Variants in ITPR2 observed in about 807,000 individuals in gnomAD.
ITPR2 encodes inositol 1,4,5-trisphosphate-gated calcium channel ITPR2.
ITPR2 carries 207 observed loss-of-function variants against 317.1 expected under a neutral mutation model. The observed-to-expected ratio is 0.65, with a 90% CI of 0.58 to 0.73. The LOEUF (loss-of-function observed/expected upper bound fraction) is 0.73, where lower values mean the gene tolerates loss of function less well. ITPR2 is among the 30% of genes least tolerant of loss of function. The probability of loss-of-function intolerance (pLI) is 0.00; values close to 1 mark genes in which losing one functional copy is unlikely to be tolerated. For synonymous variants in ITPR2, 1,156 were observed against 1,149.1 expected, an observed-to-expected ratio of 1.01 and a Z score of -0.12; for missense variants, 2,613 against 3,284.0, an observed-to-expected ratio of 0.80 and a Z score of 4.99.
chr12:26,532,613 G>A (rs781156174), intron 37 of ITPR2, among the ~76,000 whole-genome samples: 11 of 151,678 alleles, frequency 7.3e-5, no homozygotes, highest in East Asian at 3.9e-4. Context: ...CCCAGCCCCC[G>A]GTAAAAGACT....
chr12:26,736,500 T>C (rs1358097333), intron 2 of ITPR2, among the ~76,000 whole-genome samples: 1 of 152,186 alleles, frequency 6.6e-6, no homozygotes, highest in Non-Finnish European at 1.5e-5. Context: ...ACCAAGGCTA[T>C]TAGCAATTAG....
intron 13 of ITPR2, among the ~76,000 whole-genome samples, chr12:26,675,311 TG>T (rs1947882425): frequency 6.6e-6 from 1 of 152,188 alleles, no homozygotes; most frequent in South Asian, 2.1e-4. Flanking sequence ...TGTCCAACAA[TG>T]ATAGACTGGA....
chr12:26,659,081 T>C (rs1265166750), intron 16 of ITPR2, 32 bp downstream of exon 16: 1 of 1,559,612 alleles, frequency 6.4e-7, no homozygotes, highest in South Asian at 1.2e-5. Context: ...CAATCTCCAC[T>C]AGAAAAGAAT....
intron 45 of ITPR2, among the ~76,000 whole-genome samples, chr12:26,463,693 A>T (rs1392172628): frequency 1.1e-5 from 1 of 91,554 alleles, no homozygotes; most frequent in East Asian, 2.9e-4. Context: ...AAACAAACAA[A>T]CAAACAAAAA....
intron 30 of ITPR2, among the ~76,000 whole-genome samples, 161 bp from the exon 31 acceptor site, chr12:26,597,295 TG>T (rs1945871298): frequency 6.6e-6 from 1 of 152,182 alleles, no homozygotes; most frequent in African/African-American, 2.4e-5. Flanking sequence ...GACAAGATTA[TG>T]GTCCCATGCC....
chr12:26,777,958 G>A (rs560418140), intron 2 of ITPR2, among the ~76,000 whole-genome samples: 28 of 152,288 alleles, frequency 1.8e-4, no homozygotes, highest in African/African-American at 5.5e-4. Flanking sequence ...ATTGATTCCA[G>A]GGGACCCAAA....
chr12:26,439,346 T>C (rs1941433333), intron 46 of ITPR2, 27 bp from the exon 47 acceptor site: 3 of 1,551,816 alleles, frequency 1.9e-6, no homozygotes, highest in African/African-American at 2.7e-5. Flanking sequence ...GCATTGTTTT[T>C]AGCCTTTCGG....
At chr12:26,475,486 A>C in intron 44 of ITPR2, 68 bp from the exon 45 acceptor site, 1 of 1,542,812 alleles carries the variant, frequency 6.5e-7, no homozygotes, top group Non-Finnish European at 8.7e-7. Context: ...TATGAGATTT[A>C]ATTAAAAATT....
chr12:26,403,849 C>T (rs910623919), intron 52 of ITPR2, among the ~76,000 whole-genome samples: 3 of 152,034 alleles, frequency 2.0e-5, no homozygotes, highest in Non-Finnish European at 2.9e-5. Context: ...TATGCTTGTA[C>T]GATGAACAGC....
rs1194006539 is a variant in ITPR2 at position 26,335,369 on chromosome 12, T to C, written c.*4028A>G. Among the ~76,000 whole-genome samples, 1 of 152,236 alleles carries C rather than the reference T, an allele frequency of 6.6e-6. No individual in the cohort carries two copies. The highest frequency in any genetic ancestry group is 2.4e-5 in the African/African-American group (1 of 41,452). On this transcript the variant is annotated 3_prime_UTR_variant, in exon 57 of 57. Transcript: ENST00000381340. ...CAAAAAAGTTATACACATCCAATTT[T>C]ATTAACATTCACTTATAAATTATCT...
rs185499264 is a variant in ITPR2, at chr12:26,808,386, C to T, written c.93-18159G>A. On this transcript the variant is annotated intron_variant, in intron 1 of 56. Transcript: ENST00000381340. The stretch of plus-strand genomic sequence containing the variant: ...AAAGAACTAATAAAGTACAAGTAAC[C>T]AAAAAAATCCATACCTGCCACATAC... Among the ~76,000 whole-genome samples the T allele has an allele frequency of 5.3e-5, 8 of 152,030 alleles. No homozygotes were observed. The South Asian group carries it at 1.0e-3, about 20-fold the overall frequency.
At chr12:26,378,089 G>A (rs1205878893) in intron 55 of ITPR2, among the ~76,000 whole-genome samples, 2 of 151,932 alleles carry the variant, frequency 1.3e-5, no homozygotes, top group Non-Finnish European at 2.9e-5. Flanking sequence ...TAATTTAGGT[G>A]CTGGGAATAC....
At chr12:26,355,402 T>C (rs1042263013) in intron 55 of ITPR2, among the ~76,000 whole-genome samples, 2 of 84,012 alleles carry the variant, frequency 2.4e-5, no homozygotes, top group African/African-American at 8.7e-5. Context: ...CTATCATTTA[T>C]TGGATCTGGA....
chr12:26,548,962 A>G (rs1207689825), intron 37 of ITPR2, among the ~76,000 whole-genome samples: 2 of 152,218 alleles, frequency 1.3e-5, no homozygotes, highest in Non-Finnish European at 2.9e-5. Context: ...CTGTTACATA[A>G]AAATGGAAGA....
intron 45 of ITPR2, among the ~76,000 whole-genome samples, chr12:26,472,887 T>C (rs1942328137): frequency 6.6e-6 from 1 of 152,162 alleles, no homozygotes; most frequent in African/African-American, 2.4e-5. Context: ...GTTTTTTGTT[T>C]GTTTGTTTGT....
At position 26,682,691 on chromosome 12, in the gene ITPR2, TA is replaced by T. The variant is rs769355357; in HGVS notation, c.1149-19del. 3 of 1,505,786 alleles carry T rather than the reference TA, an allele frequency of 2.0e-6. No homozygotes were observed. Among genetic ancestry groups the T allele is most frequent in the Non-Finnish European group, 1.8e-6 (2 of 1,091,536 alleles). The allele number at this position is 1,505,786 out of a possible 1,614,324, so 93.3% of individuals were successfully genotyped here. A position where few individuals can be genotyped will look rare whatever the true frequency, so the allele number is the denominator to read the frequency against. ...ATGAGTTCCTAAAAGCAAAACAATA[TA>T]AAAAAACAAATTATAAAAAATTAGC... On this transcript the variant is annotated intron_variant, in intron 11 of 56. Coordinates refer to ENST00000381340, the MANE Select transcript of ITPR2 (RefSeq NM_002223.4).
At chr12:26,751,643 C>T (rs370598478) in intron 2 of ITPR2, among the ~76,000 whole-genome samples, 2 of 151,940 alleles carry the variant, frequency 1.3e-5, no homozygotes, top group Non-Finnish European at 2.9e-5. Flanking sequence ...GCTGAGGGGG[C>T]GGATCACAAG....
chr12:26,818,784 C>T (rs1950898227), intron 1 of ITPR2, among the ~76,000 whole-genome samples: 1 of 151,926 alleles, frequency 6.6e-6, no homozygotes, highest in African/African-American at 2.4e-5. Context: ...AAAGATCTAC[C>T]CGAAATGCAA....
intron 46 of ITPR2, 117 bp downstream of exon 46, chr12:26,443,423 TCAG>T: frequency 1.6e-6 from 1 of 614,184 alleles, no homozygotes; most frequent in Non-Finnish European, 2.7e-6. Context: ...TATACATTTT[TCAG>T]TTTAAACCAC....
Sources: gnomAD v4.1 joint callset for allele counts (sites outside exome capture counted in the v4.1 genomes callset) on GRCh38, gnomAD v4.1.1 for gene constraint, MANE v1.5 for transcripts, NCBI Gene and HGNC (gene_info 2026-07-23, HGNC 2026-07-21) for gene names.